Variants in DOCK3 observed in about 807,000 individuals in gnomAD.
The protein encoded by DOCK3 is dedicator of cytokinesis 3, also known as dedicator of cytokinesis protein 3.
Under a neutral mutation model 265.6 loss-of-function variants are expected in DOCK3, and 60 were observed. The observed-to-expected ratio is 0.23, with a 90% CI of 0.18 to 0.28. The LOEUF (loss-of-function observed/expected upper bound fraction) is 0.28, where lower values mean the gene tolerates loss of function less well. DOCK3 is among the 10% of genes least tolerant of loss of function. The pLI is 1.00. For synonymous variants in DOCK3, 881 were observed against 938.0 expected, an observed-to-expected ratio of 0.94 and a Z score of 1.11; for missense variants, 1,981 against 2,594.3, an observed-to-expected ratio of 0.76 and a Z score of 5.14.
intron 2 of DOCK3, among the ~76,000 whole-genome samples, chr3:50,830,301 C>G (rs773432750): frequency 2.0e-5 from 3 of 152,120 alleles, no homozygotes; most frequent in Non-Finnish European, 4.4e-5. Context: ...GGTCCTCATG[C>G]AAGTCTTTAC....
chr3:51,327,231 C>T (rs1014464898), intron 32 of DOCK3, among the ~76,000 whole-genome samples: 1 of 152,040 alleles, frequency 6.6e-6, no homozygotes, highest in African/African-American at 2.4e-5. Flanking sequence ...CACCATGGTG[C>T]CTGGGACATG....
intron 4 of DOCK3, among the ~76,000 whole-genome samples, chr3:50,924,106 G>A (rs2050641962): frequency 6.6e-6 from 1 of 152,140 alleles, no homozygotes; most frequent in Non-Finnish European, 1.5e-5. Flanking sequence ...ATTGTTATCT[G>A]TGTATGCATG....
intron 1 of DOCK3, among the ~76,000 whole-genome samples, chr3:50,750,831 A>G (rs2039754333): frequency 6.6e-6 from 1 of 152,186 alleles, no homozygotes. Flanking sequence ...GTGCTATAGA[A>G]TGTAAATTAA....
intron 13 of DOCK3, among the ~76,000 whole-genome samples, chr3:51,211,330 A>G (rs1560216201): frequency 6.6e-6 from 1 of 152,048 alleles, no homozygotes; most frequent in Non-Finnish European, 1.5e-5. Flanking sequence ...ATTAACAGAG[A>G]AATTGTATAG....
At chr3:51,111,980 G>A (rs1234245064) in intron 9 of DOCK3, among the ~76,000 whole-genome samples, 3 of 152,122 alleles carry the variant, frequency 2.0e-5, no homozygotes, top group Admixed American at 6.5e-5. Context: ...TTAGAGAAAT[G>A]CAAATCAAAA....
intron 1 of DOCK3, among the ~76,000 whole-genome samples, chr3:50,690,135 CT>C (rs540586646): frequency 2.6e-3 from 360 of 139,650 alleles, no homozygotes; most frequent in Middle Eastern, 7.6e-3. Context: ...CTATTTTTAC[CT>C]TTTTTTTTTT....
At chr3:50,869,009 C>T (rs1287789775) in intron 3 of DOCK3, among the ~76,000 whole-genome samples, 1 of 129,910 alleles carries the variant, frequency 7.7e-6, no homozygotes. Context: ...GAGTCTCGCT[C>T]TGTCGCCCAG....
chr3:50,770,480 A>G (rs2041204108), intron 1 of DOCK3, among the ~76,000 whole-genome samples: 3 of 152,150 alleles, frequency 2.0e-5, no homozygotes, highest in African/African-American at 7.2e-5. Context: ...GTGTTCATTG[A>G]TTGGAACAAT....
chr3:51,256,126 C>T (rs954352433), intron 22 of DOCK3, among the ~76,000 whole-genome samples: 11 of 152,118 alleles, frequency 7.2e-5, no homozygotes, highest in African/African-American at 2.2e-4. Context: ...TGGAGTTTGC[C>T]GGAGGTCCAC....
chr3:51,169,903 T>G (rs1027468025), intron 12 of DOCK3, among the ~76,000 whole-genome samples: 1 of 152,156 alleles, frequency 6.6e-6, no homozygotes, highest in African/African-American at 2.4e-5. Context: ...TTATTGGATG[T>G]GGTTTGCTAG....
At chr3:51,075,473 G>A (rs767367850) in intron 7 of DOCK3, 33 bp downstream of exon 7, 3 of 1,482,688 alleles carry the variant, frequency 2.0e-6, no homozygotes, top group African/African-American at 1.4e-5. Flanking sequence ...GCTTGTTCCT[G>A]CATACCTCAT....
chr3:50,996,358 C>G (rs2078284239), intron 5 of DOCK3, among the ~76,000 whole-genome samples: 1 of 151,946 alleles, frequency 6.6e-6, no homozygotes, highest in Non-Finnish European at 1.5e-5. Flanking sequence ...GCTGGAACTA[C>G]AGACGCCTAC....
At chr3:51,278,041 C>T (rs2080908624) in intron 26 of DOCK3, 1 of 985,210 alleles carries the variant, frequency 1.0e-6, no homozygotes, top group African/African-American at 1.7e-5. Flanking sequence ...TAGAATGAAG[C>T]TGGGATGTAT....
intron 18 of DOCK3, 142 bp downstream of exon 18, chr3:51,228,974 A>G: frequency 1.8e-6 from 2 of 1,101,484 alleles, no homozygotes; most frequent in Non-Finnish European, 2.5e-6. Flanking sequence ...AGTTGAAGCG[A>G]TCACTCAGCA....
intron 19 of DOCK3, among the ~76,000 whole-genome samples, chr3:51,230,256 C>T (rs1166522873): frequency 6.6e-6 from 1 of 152,126 alleles, no homozygotes; most frequent in Non-Finnish European, 1.5e-5. Context: ...AGCAGTTTTT[C>T]AACCCTTGTC....
intron 5 of DOCK3, among the ~76,000 whole-genome samples, chr3:50,969,003 C>G (rs2077115532): frequency 6.6e-6 from 1 of 152,102 alleles, no homozygotes; most frequent in Non-Finnish European, 1.5e-5. Flanking sequence ...CCATTTTGGC[C>G]TGGAGTCCAA....
At chr3:50,788,441 C>T (rs2042295125) in intron 2 of DOCK3, among the ~76,000 whole-genome samples, 2 of 152,356 alleles carry the variant, frequency 1.3e-5, no homozygotes, top group South Asian at 4.1e-4. Context: ...TGTTGCAGCA[C>T]CAAAGCATAA....
intron 5 of DOCK3, among the ~76,000 whole-genome samples, chr3:50,937,199 C>T (rs1196806967): frequency 6.7e-6 from 1 of 150,290 alleles, no homozygotes; most frequent in East Asian, 2.0e-4. Context: ...ATCACTTGAA[C>T]CTGGGAGGCG....
chr3:50,689,162 A>G (rs909289041), intron 1 of DOCK3, among the ~76,000 whole-genome samples: 8 of 152,192 alleles, frequency 5.3e-5, no homozygotes, highest in African/African-American at 1.9e-4. Flanking sequence ...CAAGCAATTG[A>G]TTGTCAAACC....
Sources: gnomAD v4.1 joint callset for allele counts (sites outside exome capture counted in the v4.1 genomes callset) on GRCh38, gnomAD v4.1.1 for gene constraint, MANE v1.5 for transcripts, NCBI Gene and HGNC (gene_info 2026-07-23, HGNC 2026-07-21) for gene names.